GRIA1: variants seen among roughly 807,000 people sequenced by gnomAD.
GRIA1 encodes the protein glutamate receptor 1.
GRIA1 carries 31 observed loss-of-function variants against 99.2 expected under a neutral mutation model. That is an observed-to-expected ratio of 0.31 (90% confidence interval 0.23 to 0.42). The LOEUF is 0.42. Ranked by LOEUF, GRIA1 falls within the 10% of genes least tolerant of loss-of-function variation. The pLI, the probability that GRIA1 is intolerant of heterozygous loss-of-function variation, is 1.00. For missense variants in GRIA1, 782 were observed against 1,157.5 expected (o/e 0.68, Z 4.71); for synonymous variants, 438 against 432.4 (o/e 1.01, Z -0.16).
intron 7 of GRIA1, among the ~76,000 whole-genome samples, chr5:153,681,924 C>T (rs930969642): frequency 4.6e-5 from 7 of 151,956 alleles, no homozygotes; most frequent in African/African-American, 1.7e-4. Flanking sequence ...ATTCCAGCTA[C>T]CTGGGAGGCT....
At position 153,585,299 on chromosome 5, in the gene GRIA1, C is replaced by CTTT. The variant is rs10586598; in HGVS notation, c.221-61604_221-61602dup. On this transcript the variant is annotated intron_variant, in intron 2 of 15. Transcript: ENST00000285900. ...TTATTTTTCTTTTCTTTCTCTCTCT[C>CTTT]TTTTTTTTTTTTTTTTTTTTTTTTT... Among the ~76,000 whole-genome samples the CTTT allele has an allele frequency of 1.1e-3, 75 of 70,138 alleles. 2 individuals carry two copies. Among genetic ancestry groups the CTTT allele is most frequent in the African/African-American group, 3.0e-3 (48 of 15,796 alleles). 46.0% of individuals were successfully genotyped at this position (70,138 alleles called of 152,430 possible).
chr5:153,616,120 G>T (rs1766476311), intron 2 of GRIA1, among the ~76,000 whole-genome samples: 1 of 151,968 alleles, frequency 6.6e-6, no homozygotes, highest in South Asian at 2.1e-4. Context: ...TGTCATTCAG[G>T]TCCCAGATTC....
chr5:153,489,912 G>A, upstream of GRIA1: 4 of 451,202 alleles, frequency 8.9e-6, 1 homozygote, highest in South Asian at 6.3e-5. Context: ...CAGGGAAAGA[G>A]AGAAGGGGGC....
intron 11 of GRIA1, among the ~76,000 whole-genome samples, chr5:153,751,899 A>T (rs1027896864): frequency 1.3e-5 from 2 of 152,178 alleles, no homozygotes; most frequent in African/African-American, 4.8e-5. Context: ...GTCCGAATTC[A>T]TTTACCCAGA....
chr5:153,723,454 G>C (rs1581538675), intron 11 of GRIA1, among the ~76,000 whole-genome samples: 1 of 152,244 alleles, frequency 6.6e-6, no homozygotes, highest in Admixed American at 6.5e-5. Flanking sequence ...GCCTCACTCG[G>C]GAAACGCAAG....
intron 2 of GRIA1, among the ~76,000 whole-genome samples, chr5:153,548,939 C>T (rs62382831): frequency 0.47 from 71,489 of 152,036 alleles, 18,464 homozygotes; most frequent in Non-Finnish European, 0.59. Flanking sequence ...ATAGCTATGT[C>T]GAATTCCTTG....
chr5:153,526,722 A>T (rs1007021784), intron 2 of GRIA1, among the ~76,000 whole-genome samples: 17 of 152,230 alleles, frequency 1.1e-4, no homozygotes, highest in Admixed American at 1.0e-3. Flanking sequence ...CAGGAGGCAG[A>T]TCCTATTTGC....
chr5:153,620,079 C>T (rs1446053927), intron 2 of GRIA1, among the ~76,000 whole-genome samples: 2 of 152,038 alleles, frequency 1.3e-5, no homozygotes, highest in Non-Finnish European at 2.9e-5. Flanking sequence ...GAGAAGTGAC[C>T]TATAAATTCT....
chr5:153,684,259 GAAAGTAATATTAGTATTAAGTAT>G, intron 7 of GRIA1, among the ~76,000 whole-genome samples: 1 of 152,176 alleles, frequency 6.6e-6, no homozygotes, highest in African/African-American at 2.4e-5. Context: ...GAAGTTTTTA[GAAAGTAATATTAGTATTAAGTAT>G]CACCATTAAC....
chr5:153,589,786 T>A (rs922412922), intron 2 of GRIA1, among the ~76,000 whole-genome samples: 4 of 152,092 alleles, frequency 2.6e-5, no homozygotes, highest in Non-Finnish European at 5.9e-5. Flanking sequence ...GATACAGAAA[T>A]AATGCATAGT....
Position 153,705,741 on chromosome 5 carries a change from G to A in GRIA1, c.1497G>A (p.Arg499=), listed in dbSNP as rs751865129. Reference sequence around the variant, plus strand: ...CTCCCTTAACTATCACTTTGGTCCGGGAAGAAGTTATAGATTTCTCCAAAC... The same window carrying A: ...CTCCCTTAACTATCACTTTGGTCCGAGAAGAAGTTATAGATTTCTCCAAAC... ...AVAPLTITLV[R]EEVIDFSKPF... is the part of the protein sequence containing the mutation. Residue 499 remains arginine, a synonymous_variant, in exon 11 of 16, where the codon CGG becomes CGA. Coordinates refer to ENST00000285900, the MANE Select transcript of GRIA1 (RefSeq NM_000827.4). The A allele has an allele frequency of 2.6e-6, 4 of 1,529,464 alleles. No homozygotes were observed. Among genetic ancestry groups the A allele is most frequent in the South Asian group, 1.1e-5 (1 of 89,456 alleles). The allele number at this position is 1,529,464 out of a possible 1,614,324, so 94.7% of individuals were successfully genotyped here. A position where few individuals can be genotyped will look rare whatever the true frequency, so the allele number is the denominator to read the frequency against.
At chr5:153,492,469 G>A (rs546977010) in intron 1 of GRIA1, among the ~76,000 whole-genome samples, 1 of 152,166 alleles carries the variant, frequency 6.6e-6, no homozygotes, top group South Asian at 2.1e-4. Flanking sequence ...AAGTGTTTGG[G>A]GTGTGGTCAT....
chr5:153,651,013 A>G (rs1315597204), intron 4 of GRIA1, among the ~76,000 whole-genome samples: 2 of 151,614 alleles, frequency 1.3e-5, no homozygotes, highest in Non-Finnish European at 2.9e-5. Flanking sequence ...TGGGAGGTGG[A>G]GGTTGCAGTG....
intron 2 of GRIA1, among the ~76,000 whole-genome samples, chr5:153,634,179 G>C (rs956719031): frequency 6.6e-6 from 1 of 151,914 alleles, no homozygotes; most frequent in African/African-American, 2.4e-5. Flanking sequence ...TTAGCCAGTC[G>C]TGATGGCAGG....
At chr5:153,747,781 G>T (rs1044011986) in intron 11 of GRIA1, among the ~76,000 whole-genome samples, 4 of 152,194 alleles carry the variant, frequency 2.6e-5, no homozygotes, top group African/African-American at 9.7e-5. Flanking sequence ...TCCCAGTGGG[G>T]TGTAGCCTTT....
At chr5:153,789,789 C>T (rs1265323991) in intron 13 of GRIA1, among the ~76,000 whole-genome samples, 1 of 152,112 alleles carries the variant, frequency 6.6e-6, no homozygotes, top group African/African-American at 2.4e-5. Flanking sequence ...TACTGATTTA[C>T]CTAATGGCAC....
intron 11 of GRIA1, among the ~76,000 whole-genome samples, chr5:153,724,098 G>A (rs909608724): frequency 7.2e-5 from 11 of 152,256 alleles, no homozygotes; most frequent in African/African-American, 2.2e-4. Context: ...GAAAATCCGC[G>A]GTTCTGCAGC....
intron 2 of GRIA1, chr5:153,494,307 G>A (rs1056184981): frequency 6.9e-5 from 35 of 504,806 alleles, no homozygotes; most frequent in South Asian, 6.5e-4. Context: ...ATGCCAGCAC[G>A]ATGGGTGCTT....
At position 153,674,486 on chromosome 5, in the gene GRIA1, T is replaced by A; in HGVS notation, c.700-14T>A. On this transcript the variant is annotated splice_polypyrimidine_tract_variant and intron_variant, in intron 5 of 15. Coordinates refer to ENST00000285900, the MANE Select transcript of GRIA1 (RefSeq NM_000827.4). ...GCAGCATGTTCTAACTTCTCCCTCC[T>A]CCCCCTCTCACAGGGCTTCATGGAC... 1 of 1,613,744 alleles carries A rather than the reference T, an allele frequency of 6.2e-7. No individual in the cohort carries two copies. The highest frequency in any genetic ancestry group is 8.5e-7 in the Non-Finnish European group (1 of 1,179,768).
Sources: gnomAD v4.1 joint callset for allele counts (sites outside exome capture counted in the v4.1 genomes callset) on GRCh38, gnomAD v4.1.1 for gene constraint, MANE v1.5 for transcripts, NCBI Gene and HGNC (gene_info 2026-07-23, HGNC 2026-07-21) for gene names.